Variants in ATAD2B observed in about 807,000 individuals in gnomAD.
ATAD2B encodes the protein ATPase family AAA domain-containing protein 2B.
ATAD2B carries 40 observed loss-of-function variants against 167.6 expected under a neutral mutation model. That is an observed-to-expected ratio of 0.24 (90% CI 0.19 to 0.31). The LOEUF is 0.31. Among genes scored for constraint, ATAD2B ranks in the 10% least tolerant of loss-of-function variants. ATAD2B has a pLI of 1.00. For synonymous variants in ATAD2B, 579 were observed against 596.5 expected (o/e 0.97, Z 0.43); for missense variants, 1,242 against 1,757.2 (o/e 0.71, Z 5.24).
chr2:23,777,057 G>T (rs1445026337), intron 22 of ATAD2B, among the ~76,000 whole-genome samples: 1 of 152,094 alleles, frequency 6.6e-6, no homozygotes. Context: ...CTTACAAGGA[G>T]AGAAAATTTG....
rs559596137 is a variant in ATAD2B, at chr2:23,751,641, G to A, written c.*405C>T. 4.0e-4 allele frequency: 67 copies of A among 167,372 alleles called. No individual in the cohort carries two copies. Among genetic ancestry groups the A allele is most frequent in the Non-Finnish European group, 8.1e-4 (64 of 78,674 alleles). The allele number at this position is 167,372 out of a possible 1,614,324, so 10.4% of individuals were successfully genotyped here. A position where few individuals can be genotyped will look rare whatever the true frequency, so the allele number is the denominator to read the frequency against. ...AAAATGGAGGAAAAAAAAATAACAA[G>A]TTGCCCACTGTTTAAACAATTCAAC... On this transcript the variant is annotated 3_prime_UTR_variant, in exon 28 of 28. Coordinates refer to ENST00000238789, the MANE Select transcript of ATAD2B (RefSeq NM_017552.4).
In ATAD2B at chr2:23,926,670, C is replaced by T. The variant is rs1280847596; in HGVS notation, c.101G>A (p.Gly34Asp). ...GAGAEPGATG[G>D]SSHFISSRTR... ...CCGAGAGGAGATGAAATGGCTGCTG[C>T]CTCCGGTCGCCCCAGGCTCTGCTCC... Residue 34 changes from glycine (G) to aspartate (D), a missense_variant, in exon 1 of 28, where the codon GGC becomes GAC. Coordinates refer to ENST00000238789, the MANE Select transcript of ATAD2B (RefSeq NM_017552.4). 2.6e-6 allele frequency: 4 copies of T among 1,556,974 alleles called. No homozygotes were observed. The South Asian group carries it at 4.7e-5, about 18-fold the overall frequency.
chr2:23,700,885 G>A, the ATAD2B span, among the ~76,000 whole-genome samples: 1 of 151,946 alleles, frequency 6.6e-6, no homozygotes, highest in African/African-American at 2.4e-5. The surrounding 1 kb of genome is among the most constrained non-coding windows in gnomAD (Gnocchi z 4.6). Flanking sequence ...CTCTGAGGAC[G>A]CCTCTCAGCT....
Position 23,810,367 on chromosome 2 carries a change from G to A in ATAD2B, c.2403C>T (p.Leu801=). 1 of 1,613,958 alleles carries A rather than the reference G, an allele frequency of 6.2e-7. No homozygotes were observed. The highest frequency in any genetic ancestry group is 1.7e-5 in the Admixed American group (1 of 60,014). The stretch of plus-strand genomic sequence containing the variant: ...TGGCACTAACTGAATAAAGTGCTGG[G>A]AGATCTAGTCTATGCACAGAGAATC... The part of the protein sequence containing the change: ...LERFSVHRLD[L]PALYSVSAKT... Residue 801 remains leucine, a synonymous_variant, in exon 18 of 28, where the codon CTC becomes CTT. Transcript: ENST00000238789.
the ATAD2B span, chr2:23,693,333 C>T: frequency 3.7e-5 from 57 of 1,551,266 alleles, no homozygotes; most frequent in Middle Eastern, 3.4e-4. Context: ...TGCAGTGCAG[C>T]GAGCTCTACC....
intron 8 of ATAD2B, among the ~76,000 whole-genome samples, chr2:23,873,845 C>G (rs1696373285): frequency 6.6e-6 from 1 of 152,094 alleles, no homozygotes; most frequent in African/African-American, 2.4e-5. Context: ...AATAATACAA[C>G]AAAAATAGTG....
intron 27 of ATAD2B, among the ~76,000 whole-genome samples, chr2:23,753,833 A>G (rs1427783933): frequency 6.6e-6 from 1 of 152,106 alleles, no homozygotes; most frequent in Non-Finnish European, 1.5e-5. Context: ...CCATGACCAC[A>G]TCCGACAAGC....
chr2:23,924,576 T>TA (rs1356467763), intron 1 of ATAD2B, among the ~76,000 whole-genome samples: 2 of 152,174 alleles, frequency 1.3e-5, no homozygotes, highest in East Asian at 1.9e-4. Context: ...GTTACGTCTC[T>TA]AAAAAAACCT....
At chr2:23,902,205 A>G (rs985075845) in intron 1 of ATAD2B, among the ~76,000 whole-genome samples, 1 of 152,230 alleles carries the variant, frequency 6.6e-6, no homozygotes, top group Non-Finnish European at 1.5e-5. Context: ...TACTTCAAGT[A>G]TAATACAAAG....
chr2:23,894,684 A>C (rs1228718889), intron 2 of ATAD2B, among the ~76,000 whole-genome samples: 1 of 152,214 alleles, frequency 6.6e-6, no homozygotes, highest in Non-Finnish European at 1.5e-5. Flanking sequence ...GATAGAGATT[A>C]TAACAGGTAG....
rs961683068 is a variant in ATAD2B, at chr2:23,750,100, C to T, written c.*1946G>A. 3 of 151,996 alleles carry T rather than the reference C, an allele frequency of 2.0e-5. No homozygotes were observed. The highest frequency in any genetic ancestry group is 2.1e-4 in the South Asian group (1 of 4,832). The allele number at this position is 151,996 out of a possible 1,614,324, so 9.4% of individuals were successfully genotyped here. A position where few individuals can be genotyped will look rare whatever the true frequency, so the allele number is the denominator to read the frequency against. On this transcript the variant is annotated 3_prime_UTR_variant, in exon 28 of 28. Transcript: ENST00000238789. ...TATTAGACAATAAAATAGTTTGAAT[C>T]GGTATGATGGTAATAAATACTAAAG...
chr2:23,813,357 TAA>T (rs200558319), intron 17 of ATAD2B, among the ~76,000 whole-genome samples: 3,362 of 148,770 alleles, frequency 0.023, 140 homozygotes, highest in African/African-American at 0.078. Context: ...TTATAATATA[TAA>T]GTTTATAGGA....
At position 23,757,738 on chromosome 2, in the gene ATAD2B, G is replaced by A. The variant is rs755465681; in HGVS notation, c.3758C>T (p.Pro1253Leu). 12 of 1,605,220 alleles carry A rather than the reference G, an allele frequency of 7.5e-6. No individual in the cohort carries two copies. The highest frequency in any genetic ancestry group is 2.2e-5 in the East Asian group (1 of 44,840). Residue 1253 changes from proline (P) to leucine (L), a missense_variant, in exon 25 of 28, where the codon CCG becomes CTG. This residue lies in a region of ATAD2B where 282 missense variants were observed against 346.8 expected (regional missense o/e 0.81). Coordinates refer to ENST00000238789, the MANE Select transcript of ATAD2B (RefSeq NM_017552.4). ...AGTCTCTTTCCTGGAGGTCTGCTCC[G>A]GGTTTAAGGAACTGCTGCTGTTGAC... ...LLVNSSSSLN[P>L]EQTSRKETFL... is the part of the protein sequence containing the mutation.
At chr2:23,712,774 CA>C in the ATAD2B span, among the ~76,000 whole-genome samples, 1 of 147,550 alleles carries the variant, frequency 6.8e-6, no homozygotes, top group African/African-American at 2.5e-5. Flanking sequence ...GATCTCTTTA[CA>C]AAAAAAAAAT....
At position 23,863,495 on chromosome 2, in the gene ATAD2B, A is replaced by T; in HGVS notation, c.1365T>A (p.Ala455=). 1.3e-6 allele frequency: 2 copies of T among 1,567,456 alleles called. No individual in the cohort carries two copies. Among genetic ancestry groups the T allele is most frequent in the Non-Finnish European group, 1.7e-6 (2 of 1,155,106 alleles). ...TTTTGTCTCCTTGGCTGCATTCATT[A>T]GCTAATGCTCTGGCAACCAAGGTTT... ...TGKTLVARAL[A]NECSQGDKKV... Residue 455 remains alanine (A), a synonymous_variant, in exon 12 of 28, where the codon GCT becomes GCA. Transcript: ENST00000238789.
intron 13 of ATAD2B, among the ~76,000 whole-genome samples, chr2:23,845,747 T>C (rs910798273): frequency 6.6e-6 from 1 of 151,468 alleles, no homozygotes; most frequent in African/African-American, 2.4e-5. Context: ...ACCCAGCTAA[T>C]TTTTGTAGTT....
rs889745580 is a variant in ATAD2B, at chr2:23,828,983, A to C, written c.1729-44T>G. 4.7e-6 allele frequency: 6 copies of C among 1,287,498 alleles called. No homozygotes were observed. The African/African-American group carries it at 7.4e-5, about 16-fold the overall frequency. 79.8% of individuals were successfully genotyped at this position (1,287,498 alleles called of 1,614,324 possible). On this transcript the variant is annotated intron_variant, in intron 14 of 27. Coordinates refer to ENST00000238789, the MANE Select transcript of ATAD2B (RefSeq NM_017552.4). ...ATACATAAAATCTTGCCCAAGAAGAAAAGTACAGATAAAATATTATCAATC... is the reference window on the plus strand; with the variant it reads ...ATACATAAAATCTTGCCCAAGAAGACAAGTACAGATAAAATATTATCAATC...
intron 19 of ATAD2B, among the ~76,000 whole-genome samples, chr2:23,797,314 A>G (rs1642626347): frequency 6.6e-6 from 1 of 152,152 alleles, no homozygotes; most frequent in African/African-American, 2.4e-5. Flanking sequence ...TTTTTAAAAA[A>G]TCAATTTCAC....
chr2:23,684,099 G>A, the ATAD2B span, among the ~76,000 whole-genome samples: 2 of 152,144 alleles, frequency 1.3e-5, no homozygotes, highest in South Asian at 2.1e-4. The surrounding 1 kb of genome is among the most constrained non-coding windows in gnomAD (Gnocchi z 4.4). Context: ...CCAATCGTCA[G>A]TATGGGAATC....
Sources: allele counts gnomAD v4.1 joint callset (sites outside exome capture counted in the v4.1 genomes callset), GRCh38; gene constraint gnomAD v4.1.1; regional missense constraint gnomAD v4.1.1; non-coding constraint Gnocchi (gnomAD v3.1); transcripts MANE v1.5; gene names NCBI Gene and HGNC (gene_info 2026-07-23, HGNC 2026-07-21).